The following TTC7A variants were observed in gnomAD, a reference collection of about 807,000 sequenced individuals.
TTC7A encodes tetratricopeptide repeat domain 7A.
Under a neutral mutation model 103.7 loss-of-function variants are expected in TTC7A, and 110 were observed. That is an observed-to-expected ratio of 1.06 (90% CI 0.91 to 1.24). TTC7A has a LOEUF of 1.24. Among genes scored for constraint, TTC7A ranks in the 50% most tolerant of loss-of-function variants. The pLI, the probability that TTC7A is intolerant of heterozygous loss-of-function variation, is 0.00. For missense variants in TTC7A, 1,340 were observed against 1,116.3 expected (o/e 1.20, Z -2.86); for synonymous variants, 521 against 467.9 (o/e 1.11, Z -1.47).
At chr2:46,965,563 ATTT>A (rs55634000) in intron 3 of TTC7A, among the ~76,000 whole-genome samples, 5 of 135,416 alleles carry the variant, frequency 3.7e-5, no homozygotes, top group African/African-American at 1.1e-4. Flanking sequence ...CCCTGGATTC[ATTT>A]TTTTTTTTTT....
chr2:46,935,330 A>G (rs932247328), intron 2 of TTC7A, among the ~76,000 whole-genome samples: 6 of 152,156 alleles, frequency 3.9e-5, no homozygotes, highest in African/African-American at 9.7e-5. Flanking sequence ...CTGTTGTATC[A>G]TGATCCTTGC....
At chr2:46,942,265 G>A (rs1558490240) in intron 1 of TTC7A, among the ~76,000 whole-genome samples, 1 of 151,956 alleles carries the variant, frequency 6.6e-6, no homozygotes, top group Admixed American at 6.5e-5. Flanking sequence ...TCCAGCTCTA[G>A]CAGTCGGTGG....
intron 8 of TTC7A, among the ~76,000 whole-genome samples, chr2:47,005,526 G>A (rs1305996852): frequency 1.3e-5 from 2 of 152,166 alleles, no homozygotes; most frequent in African/African-American, 4.8e-5. Flanking sequence ...AAAGAGACAT[G>A]GCACCTGAAT....
rs991295194 is a variant in TTC7A, at chr2:47,011,360, G to A, written c.1317G>A (p.Glu439=). 1.9e-6 allele frequency: 3 copies of A among 1,613,308 alleles called. No homozygotes were observed. Among genetic ancestry groups the A allele is most frequent in the Non-Finnish European group, 2.5e-6 (3 of 1,179,888 alleles). The change falls in exon 11 of 20, where the codon GAG becomes GAA. Residue 439 remains glutamate, a synonymous_variant. Coordinates refer to ENST00000319190, the MANE Select transcript of TTC7A (RefSeq NM_020458.4). The part of the protein sequence containing the change: ...KSAYAVSLLR[E]CVKLRPSDPT... ...CCTACGCTGTGTCCCTGCTGCGGGAGTGTGTGAAGTTGCGGCCCTCGGACC... is the reference window on the plus strand; with the variant it reads ...CCTACGCTGTGTCCCTGCTGCGGGAATGTGTGAAGTTGCGGCCCTCGGACC...
upstream of TTC7A, among the ~76,000 whole-genome samples, chr2:46,936,859 ATT>A (rs67502094): frequency 3.9e-4 from 56 of 142,786 alleles, no homozygotes; most frequent in African/African-American, 5.2e-4. Flanking sequence ...AGGATTCCAA[ATT>A]TTTTTTTTTT....
intron 16 of TTC7A, among the ~76,000 whole-genome samples, chr2:47,049,356 C>T (rs10199070): frequency 3.9e-5 from 6 of 151,924 alleles, no homozygotes; most frequent in Admixed American, 6.6e-5. Context: ...CCCTCCCCCC[C>T]GCCAGCAGTA....
At chr2:46,956,135 A>C (rs1671834286) in intron 2 of TTC7A, among the ~76,000 whole-genome samples, 1 of 152,218 alleles carries the variant, frequency 6.6e-6, no homozygotes, top group Non-Finnish European at 1.5e-5. Flanking sequence ...GCCCTAAGGG[A>C]GGCCCTGAGA....
chr2:47,063,437 T>A (rs903194813), intron 19 of TTC7A, among the ~76,000 whole-genome samples: 8 of 152,250 alleles, frequency 5.3e-5, no homozygotes, highest in African/African-American at 1.7e-4. Context: ...GATGTGATCT[T>A]GGAATCTTTT....
upstream of TTC7A, among the ~76,000 whole-genome samples, chr2:46,938,453 G>T (rs73926981): frequency 0.012 from 1,794 of 152,170 alleles, 40 homozygotes; most frequent in African/African-American, 0.04. Flanking sequence ...AACCGAGGGG[G>T]TATTCTCTTC....
At chr2:47,037,047 T>C (rs565042092) in intron 15 of TTC7A, among the ~76,000 whole-genome samples, 1 of 152,288 alleles carries the variant, frequency 6.6e-6, no homozygotes, top group African/African-American at 2.4e-5. Flanking sequence ...AGGGTATCCA[T>C]ACCTTGTCAG....
intron 16 of TTC7A, 148 bp from the exon 17 acceptor site, chr2:47,049,800 TG>T: frequency 1.6e-6 from 1 of 631,974 alleles, no homozygotes. Flanking sequence ...GCTCTGTCTT[TG>T]GGCCTGAACC....
intron 2 of TTC7A, among the ~76,000 whole-genome samples, chr2:46,935,924 C>G (rs1019170151): frequency 6.6e-6 from 1 of 152,008 alleles, no homozygotes; most frequent in Non-Finnish European, 1.5e-5. Context: ...GATTCAGTCT[C>G]TTAAAAAATT....
chr2:47,060,899 G>GGAGGAGGCCAAGCAGCTGTAC lies in TTC7A; in HGVS notation c.2284_2304dup (p.Glu762_Tyr768dup). On this transcript the variant is annotated inframe_insertion, in exon 19 of 20. Coordinates refer to ENST00000319190, the MANE Select transcript of TTC7A (RefSeq NM_020458.4). ...GGCTGGCTGAGGTGAAGGGCAACCT[G>GGAGGAGGCCAAGCAGCTGTAC]GAGGAGGCCAAGCAGCTGTACAAGG... The GGAGGAGGCCAAGCAGCTGTAC allele has an allele frequency of 6.2e-7, 1 of 1,614,204 alleles. No individual in the cohort carries two copies.
At chr2:47,024,573 G>C (rs1679676014) in intron 14 of TTC7A, among the ~76,000 whole-genome samples, 1 of 152,102 alleles carries the variant, frequency 6.6e-6, no homozygotes, top group Non-Finnish European at 1.5e-5. Context: ...TACACAGGAA[G>C]GGCGTGTTCT....
At chr2:46,983,305 C>T (rs775332333) in intron 5 of TTC7A, among the ~76,000 whole-genome samples, 1 of 152,234 alleles carries the variant, frequency 6.6e-6, no homozygotes, top group Non-Finnish European at 1.5e-5. Context: ...AGAAGCACAG[C>T]TGCCTCGCTC....
intron 5 of TTC7A, among the ~76,000 whole-genome samples, chr2:46,985,271 AC>A (rs1558539389): frequency 6.6e-6 from 1 of 150,446 alleles, no homozygotes; most frequent in Non-Finnish European, 1.5e-5. Flanking sequence ...CAACCTCACC[AC>A]CCTGAAGAGG....
chr2:47,000,022 C>A, intron 8 of TTC7A: 1 of 475,052 alleles, frequency 2.1e-6, no homozygotes, highest in African/African-American at 2.1e-5. Context: ...CTTCTTACCA[C>A]CCTGAGCCTC....
chr2:47,041,485 G>C (rs1351676763), intron 15 of TTC7A, among the ~76,000 whole-genome samples: 1 of 152,226 alleles, frequency 6.6e-6, no homozygotes, highest in African/African-American at 2.4e-5. Flanking sequence ...AGTCGCGGTG[G>C]CTCAAGCCTG....
intron 12 of TTC7A, among the ~76,000 whole-genome samples, chr2:47,022,805 G>A (rs1679443300): frequency 6.6e-6 from 1 of 152,206 alleles, no homozygotes; most frequent in Non-Finnish European, 1.5e-5. Flanking sequence ...CACCCTCCTT[G>A]TCCTTTTAAC....
Sources: allele counts gnomAD v4.1 joint callset (sites outside exome capture counted in the v4.1 genomes callset), GRCh38; gene constraint gnomAD v4.1.1; transcripts MANE v1.5; gene names NCBI Gene and HGNC (gene_info 2026-07-23, HGNC 2026-07-21).